RHOBTB3: variants seen among roughly 807,000 people sequenced by gnomAD.
The protein encoded by RHOBTB3 is Rho related BTB domain containing 3, also known as rho-related BTB domain-containing protein 3.
A neutral mutation model predicts 67.2 loss-of-function variants in RHOBTB3; 47 were observed. The ratio of observed to expected loss-of-function variants is 0.70; its 90% confidence interval spans 0.55 to 0.89. The LOEUF is 0.89. RHOBTB3 is among the 40% of genes least tolerant of loss of function. The pLI is 0.00. For synonymous variants in RHOBTB3, 273 were observed against 274.2 expected (o/e 1.00, Z 0.04); for missense variants, 631 against 750.0 (o/e 0.84, Z 1.85).
chr5:95,777,304 C>T (rs1488056270), intron 8 of RHOBTB3, among the ~76,000 whole-genome samples: 1 of 152,084 alleles, frequency 6.6e-6, no homozygotes, highest in Non-Finnish European at 1.5e-5. Context: ...ACTTTTGAAA[C>T]CTGGAAAATA....
At chr5:95,742,396 A>G (rs77222675) in intron 3 of RHOBTB3, among the ~76,000 whole-genome samples, 2,933 of 152,272 alleles carry the variant, frequency 0.019, 80 homozygotes, top group African/African-American at 0.063. Context: ...TGCCTTATGT[A>G]TCAGTCACAC....
intron 10 of RHOBTB3, among the ~76,000 whole-genome samples, chr5:95,786,972 C>T (rs1362290300): frequency 2.0e-5 from 3 of 152,236 alleles, no homozygotes; most frequent in Admixed American, 1.3e-4. Context: ...CAAACCCCCA[C>T]ATGTGCTACC....
chr5:95,769,021 C>G (rs933039355), intron 8 of RHOBTB3: 1 of 262,556 alleles, frequency 3.8e-6, no homozygotes, highest in Non-Finnish European at 7.7e-6. Flanking sequence ...CCCAGTCTTT[C>G]CGCAGACGAG....
upstream of RHOBTB3, chr5:95,730,868 T>G (rs186959884): frequency 3.1e-5 from 14 of 455,834 alleles, no homozygotes; most frequent in South Asian, 2.2e-4. Flanking sequence ...CTGTAGCGCA[T>G]GTTGACAAAT....
rs775447703 is a variant in RHOBTB3, at chr5:95,755,647, A to G, written c.934A>G (p.Thr312Ala). Residue 312 changes from threonine to alanine, a missense_variant, in exon 6 of 12, where the codon ACT (threonine) becomes GCT (alanine). Transcript: ENST00000379982. ...GGATCTTTTTGCTATAAACAGAGAT[A>G]CTGCATTTCCAGGTGCTAGCCATGA... is the stretch of plus-strand genomic sequence containing the variant. The part of the protein sequence containing the change: ...TQDLFAINRD[T>A]AFPGASHESS... 5 of 1,614,212 alleles carry G rather than the reference A, an allele frequency of 3.1e-6. No homozygotes were observed. Among genetic ancestry groups the G allele is most frequent in the Non-Finnish European group, 4.2e-6 (5 of 1,180,032 alleles).
chr5:95,752,331 A>C lies in RHOBTB3; in HGVS notation c.663A>C (p.Pro221=), dbSNP rs372308237. The change falls in exon 5 of 12, where the codon CCA becomes CCC. Residue 221 remains proline (P), a synonymous_variant. Coordinates refer to ENST00000379982, the MANE Select transcript of RHOBTB3 (RefSeq NM_014899.4). ...GCAACTCCTTTCATGGAATTAGACC[A>C]CCTCAACTTGAACAACCAGGTGCAT... is the stretch of plus-strand genomic sequence containing the variant. ...KMSNSFHGIR[P]PQLEQPEKMP... 6.2e-7 allele frequency: 1 copy of C among 1,602,678 alleles called. No individual in the cohort carries two copies. Among genetic ancestry groups the C allele is most frequent in the East Asian group, 2.2e-5 (1 of 44,598 alleles).
rs542087857 is a variant in RHOBTB3, at chr5:95,777,453, T to G, written c.1283-2799T>G. On this transcript the variant is annotated intron_variant, in intron 8 of 11. Coordinates refer to ENST00000379982, the MANE Select transcript of RHOBTB3 (RefSeq NM_014899.4). The stretch of plus-strand genomic sequence containing the variant: ...AGTTCTTTTCCTTAGAAAAAAATTC[T>G]TAAAATTGTAACATCAAATGAATAC... 3.3e-5 allele frequency among the ~76,000 whole-genome samples: 5 copies of G among 152,382 alleles called. No homozygotes were observed. In the South Asian group the frequency reaches 1.0e-3, roughly 32 times the overall value.
At chr5:95,733,489 C>T (rs1333946222) in intron 2 of RHOBTB3, among the ~76,000 whole-genome samples, 1 of 152,158 alleles carries the variant, frequency 6.6e-6, no homozygotes, top group Non-Finnish European at 1.5e-5. Context: ...TTAACACTTT[C>T]CTGTTTATAC....
intron 8 of RHOBTB3, among the ~76,000 whole-genome samples, chr5:95,774,462 A>G (rs2112822218): frequency 6.6e-6 from 1 of 152,332 alleles, no homozygotes; most frequent in South Asian, 2.1e-4. Flanking sequence ...ATGTCATTAT[A>G]TGGCTATATC....
At chr5:95,774,975 T>C (rs931519157) in intron 8 of RHOBTB3, among the ~76,000 whole-genome samples, 9 of 152,048 alleles carry the variant, frequency 5.9e-5, no homozygotes, top group Admixed American at 2.0e-4. Context: ...CTTGAAACAG[T>C]GTTGTATTTT....
intron 1 of RHOBTB3, among the ~76,000 whole-genome samples, chr5:95,723,275 G>A (rs1019478250): frequency 6.6e-6 from 1 of 152,210 alleles, no homozygotes; most frequent in African/African-American, 2.4e-5. Context: ...GCCATCCTGG[G>A]CCACATGCGG....
chr5:95,728,111 A>G (rs1051400273), upstream of RHOBTB3, among the ~76,000 whole-genome samples: 3 of 152,228 alleles, frequency 2.0e-5, no homozygotes, highest in African/African-American at 7.2e-5. Context: ...TATATGCACA[A>G]AAGTTGAGAA....
chr5:95,756,322 T>C (rs193033004), intron 6 of RHOBTB3, among the ~76,000 whole-genome samples: 1 of 152,332 alleles, frequency 6.6e-6, no homozygotes, highest in East Asian at 1.9e-4. Context: ...ATCCAAGTTG[T>C]GGCATGTATC....
chr5:95,762,047 G>T (rs1328033477), intron 6 of RHOBTB3, among the ~76,000 whole-genome samples: 2 of 152,216 alleles, frequency 1.3e-5, no homozygotes, highest in Non-Finnish European at 2.9e-5. Flanking sequence ...AGCATAAAAA[G>T]AGCTAGCAAA....
chr5:95,757,115 TC>T (rs1745268550), intron 6 of RHOBTB3, among the ~76,000 whole-genome samples: 1 of 152,162 alleles, frequency 6.6e-6, no homozygotes, highest in Non-Finnish European at 1.5e-5. Flanking sequence ...CTTTTTTTTT[TC>T]CTTACTGTGC....
At chr5:95,767,179 C>T (rs986582838) in intron 7 of RHOBTB3, among the ~76,000 whole-genome samples, 1 of 151,928 alleles carries the variant, frequency 6.6e-6, no homozygotes, top group African/African-American at 2.4e-5. Flanking sequence ...CCATTGCACT[C>T]TAGCCTGGGC....
chr5:95,756,010 A>G (rs1745235172), intron 6 of RHOBTB3: 2 of 434,948 alleles, frequency 4.6e-6, no homozygotes, highest in Non-Finnish European at 8.1e-6. Context: ...TACATAGAAC[A>G]TAAATTTTAC....
chr5:95,764,987 A>C (rs1229087820), intron 7 of RHOBTB3, among the ~76,000 whole-genome samples: 1 of 152,136 alleles, frequency 6.6e-6, no homozygotes, highest in Admixed American at 6.5e-5. Context: ...ATTTGTAAAA[A>C]TTTGCACATA....
At chr5:95,723,040 C>T (rs1754936024) in intron 1 of RHOBTB3, among the ~76,000 whole-genome samples, 1 of 152,224 alleles carries the variant, frequency 6.6e-6, no homozygotes, top group African/African-American at 2.4e-5. Context: ...CAAACATAGA[C>T]ATTTTCTGAA....
Sources: allele counts gnomAD v4.1 joint callset (sites outside exome capture counted in the v4.1 genomes callset), GRCh38; gene constraint gnomAD v4.1.1; transcripts MANE v1.5; gene names NCBI Gene and HGNC (gene_info 2026-07-23, HGNC 2026-07-21).